PRKG1: variants seen among roughly 807,000 people sequenced by gnomAD.
PRKG1 encodes the protein cGMP-dependent protein kinase 1.
In PRKG1, 35 loss-of-function variants were observed where a neutral mutation model predicts 88.1. The ratio of observed to expected loss-of-function variants is 0.40; its 90% CI spans 0.30 to 0.53. The LOEUF (loss-of-function observed/expected upper bound fraction) is 0.53. Ranked by LOEUF, PRKG1 falls within the 20% of genes least tolerant of loss-of-function variation. The pLI is 0.59. For synonymous variants in PRKG1, 303 were observed against 292.5 expected, an observed-to-expected ratio of 1.04 and a Z score of -0.37; for missense variants, 540 against 839.8, an observed-to-expected ratio of 0.64 and a Z score of 4.41.
intron 2 of PRKG1, among the ~76,000 whole-genome samples, chr10:51,262,176 G>A (rs1839729001): frequency 6.6e-6 from 1 of 152,106 alleles, no homozygotes; most frequent in African/African-American, 2.4e-5. Flanking sequence ...TTGAGCCACT[G>A]TGCCCGGCCA....
chr10:52,099,169 A>G (rs554494755), intron 7 of PRKG1, among the ~76,000 whole-genome samples: 1 of 149,428 alleles, frequency 6.7e-6, no homozygotes, highest in Non-Finnish European at 1.5e-5. Context: ...ACTTTCAAAG[A>G]TAATCTGTTT....
chr10:51,732,682 T>C (rs1204349776), intron 3 of PRKG1, among the ~76,000 whole-genome samples: 2 of 152,174 alleles, frequency 1.3e-5, no homozygotes, highest in Non-Finnish European at 1.5e-5. Flanking sequence ...TGAGTGGTGC[T>C]GAAAGTTAGA....
chr10:51,085,758 G>A (rs563789113), intron 1 of PRKG1, among the ~76,000 whole-genome samples: 4 of 152,120 alleles, frequency 2.6e-5, no homozygotes, highest in South Asian at 2.1e-4. Flanking sequence ...AGAATTGCTC[G>A]AAGTTTGTAG....
intron 4 of PRKG1, among the ~76,000 whole-genome samples, chr10:51,854,304 A>G (rs939804883): frequency 1.3e-5 from 2 of 152,142 alleles, no homozygotes; most frequent in Non-Finnish European, 2.9e-5. Flanking sequence ...TGATAGAACC[A>G]GCTCACTGAG....
chr10:51,840,942 A>G (rs1292565989), intron 4 of PRKG1, among the ~76,000 whole-genome samples: 7 of 152,240 alleles, frequency 4.6e-5, no homozygotes, highest in African/African-American at 1.4e-4. Context: ...CAGAATAATT[A>G]AAATATAGGG....
At chr10:51,464,871 A>T (rs1435224868) in intron 2 of PRKG1, among the ~76,000 whole-genome samples, 1 of 140,614 alleles carries the variant, frequency 7.1e-6, no homozygotes, top group Non-Finnish European at 1.5e-5. Flanking sequence ...AGCCTGGGCG[A>T]CAGAGCGAGA....
chr10:51,236,002 T>TA (rs2132116485), intron 2 of PRKG1, among the ~76,000 whole-genome samples: 1 of 152,288 alleles, frequency 6.6e-6, no homozygotes, highest in Admixed American at 6.5e-5. Flanking sequence ...GTCCCGCCCT[T>TA]AGAGTTTCTG....
chr10:51,238,832 C>T (rs148317665), intron 2 of PRKG1, among the ~76,000 whole-genome samples: 44 of 151,400 alleles, frequency 2.9e-4, no homozygotes, highest in African/African-American at 1.1e-3. Flanking sequence ...TAAAGAGCTG[C>T]TGTGAAAATT....
At chr10:51,343,291 C>T (rs1459902712) in intron 2 of PRKG1, among the ~76,000 whole-genome samples, 3 of 152,080 alleles carry the variant, frequency 2.0e-5, no homozygotes, top group Non-Finnish European at 4.4e-5. Context: ...GATAATTACC[C>T]TATTATCCAC....
chr10:52,144,629 G>T (rs547122356), intron 8 of PRKG1, among the ~76,000 whole-genome samples: 1 of 152,070 alleles, frequency 6.6e-6, no homozygotes. Context: ...TGGCCAACAT[G>T]GTGAAACCCT....
chr10:51,872,792 C>T (rs906953145), intron 4 of PRKG1, among the ~76,000 whole-genome samples: 1 of 151,910 alleles, frequency 6.6e-6, no homozygotes, highest in Non-Finnish European at 1.5e-5. Context: ...AATAAGTGTC[C>T]TTTTTGTACT....
At chr10:51,683,951 G>A (rs1437857072) in intron 3 of PRKG1, among the ~76,000 whole-genome samples, 1 of 152,136 alleles carries the variant, frequency 6.6e-6, no homozygotes. Context: ...AAAATAGTTT[G>A]GTCGTTTTGG....
At chr10:51,008,352 T>C (rs1842960881) in intron 1 of PRKG1, among the ~76,000 whole-genome samples, 1 of 152,168 alleles carries the variant, frequency 6.6e-6, no homozygotes, top group African/African-American at 2.4e-5. Flanking sequence ...CTGGAACACA[T>C]CGCCACAAAC....
chr10:51,501,931 T>C (rs1166394728), intron 3 of PRKG1, among the ~76,000 whole-genome samples: 1 of 151,786 alleles, frequency 6.6e-6, no homozygotes, highest in East Asian at 1.9e-4. Flanking sequence ...TGTGGGTAGG[T>C]TGTGTAGGTC....
intron 2 of PRKG1, among the ~76,000 whole-genome samples, chr10:51,290,059 GA>G (rs1157288395): frequency 6.6e-6 from 1 of 152,048 alleles, no homozygotes; most frequent in Non-Finnish European, 1.5e-5. Flanking sequence ...CAAGTGAATT[GA>G]GATAAATATA....
chr10:51,969,326 G>T (rs1843648312), intron 5 of PRKG1, among the ~76,000 whole-genome samples: 1 of 152,120 alleles, frequency 6.6e-6, no homozygotes, highest in Non-Finnish European at 1.5e-5. Context: ...TTGTGAGAAA[G>T]AAAAGGTGGA....
intron 9 of PRKG1, among the ~76,000 whole-genome samples, chr10:52,170,813 T>C (rs1451162168): frequency 6.6e-6 from 1 of 152,224 alleles, no homozygotes; most frequent in Admixed American, 6.5e-5. Context: ...TGTTCTCTCA[T>C]TACATTTCAT....
At chr10:51,407,145 T>C (rs936870392) in intron 2 of PRKG1, among the ~76,000 whole-genome samples, 1 of 152,160 alleles carries the variant, frequency 6.6e-6, no homozygotes, top group Non-Finnish European at 1.5e-5. Flanking sequence ...TTAATCTCCT[T>C]TGGCAACACC....
intron 3 of PRKG1, among the ~76,000 whole-genome samples, chr10:51,540,456 T>C (rs1842271906): frequency 6.6e-6 from 1 of 152,172 alleles, no homozygotes; most frequent in Non-Finnish European, 1.5e-5. Flanking sequence ...AACCAGTGTG[T>C]GATGACATCG....
Sources: gnomAD v4.1 joint callset for allele counts (sites outside exome capture counted in the v4.1 genomes callset) on GRCh38, gnomAD v4.1.1 for gene constraint, MANE v1.5 for transcripts, NCBI Gene and HGNC (gene_info 2026-07-23, HGNC 2026-07-21) for gene names.